Variants in IQCM observed in about 807,000 individuals in gnomAD.
The protein encoded by IQCM is IQ domain-containing protein M.
IQCM carries 45 observed loss-of-function variants against 57.6 expected under a neutral mutation model. The ratio of observed to expected loss-of-function variants is 0.78; its 90% CI spans 0.62 to 1.00. The LOEUF is 1.00. IQCM is among the 50% of genes least tolerant of loss of function. The pLI, the probability that IQCM is intolerant of heterozygous loss-of-function variation, is 0.00. For missense variants in IQCM, 468 were observed against 511.6 expected (o/e 0.91, Z 0.82); for synonymous variants, 148 against 158.9 (o/e 0.93, Z 0.51).
At chr4:149,358,650 T>C (rs1487628276) in intron 13 of IQCM, among the ~76,000 whole-genome samples, 7 of 152,182 alleles carry the variant, frequency 4.6e-5, no homozygotes, top group African/African-American at 7.2e-5. Context: ...CTGGATAATA[T>C]ATTAAATATA....
At chr4:149,666,887 C>G (rs1175601860) in intron 7 of IQCM, among the ~76,000 whole-genome samples, 1 of 152,112 alleles carries the variant, frequency 6.6e-6, no homozygotes, top group Non-Finnish European at 1.5e-5. Context: ...ATTCCTCCTC[C>G]CTGGGCAGGG....
intron 2 of IQCM, among the ~76,000 whole-genome samples, chr4:149,773,704 G>A (rs377080249): frequency 6.6e-6 from 1 of 152,226 alleles, no homozygotes; most frequent in South Asian, 2.1e-4. Context: ...TAGAGGTGGA[G>A]GGGGCAGAGA....
chr4:149,429,932 T>G (rs1273331375), intron 13 of IQCM: 2 of 1,110,232 alleles, frequency 1.8e-6, no homozygotes, highest in Non-Finnish European at 2.3e-6. Flanking sequence ...CACTTGCATA[T>G]TTCCTTTTAA....
intron 13 of IQCM, among the ~76,000 whole-genome samples, chr4:149,357,659 G>A (rs1039044115): frequency 3.9e-5 from 6 of 152,086 alleles, no homozygotes; most frequent in African/African-American, 1.2e-4. Flanking sequence ...GTATTTTATC[G>A]AGGATTTTTG....
intron 8 of IQCM, among the ~76,000 whole-genome samples, chr4:149,617,678 A>G (rs1755920902): frequency 6.6e-6 from 1 of 152,208 alleles, no homozygotes; most frequent in African/African-American, 2.4e-5. Flanking sequence ...TACAAAATCA[A>G]TGTACAAAAA....
At chr4:149,502,626 C>T (rs1743375629) in intron 12 of IQCM, among the ~76,000 whole-genome samples, 1 of 152,006 alleles carries the variant, frequency 6.6e-6, no homozygotes, top group Non-Finnish European at 1.5e-5. Context: ...GTGAGCCATG[C>T]TCACGCCACT....
At chr4:149,419,022 T>C (rs573947444) in intron 13 of IQCM, among the ~76,000 whole-genome samples, 1 of 152,134 alleles carries the variant, frequency 6.6e-6, no homozygotes, top group African/African-American at 2.4e-5. Flanking sequence ...CATTCCATGC[T>C]CATGGAAAGG....
At chr4:149,566,738 C>G (rs185722509) in intron 9 of IQCM, among the ~76,000 whole-genome samples, 1 of 152,090 alleles carries the variant, frequency 6.6e-6, no homozygotes, top group Non-Finnish European at 1.5e-5. Flanking sequence ...TATCTTAGGT[C>G]TGAAACAGAT....
intron 12 of IQCM, among the ~76,000 whole-genome samples, chr4:149,454,499 A>T (rs1737474867): frequency 6.6e-6 from 1 of 151,858 alleles, no homozygotes; most frequent in Non-Finnish European, 1.5e-5. Flanking sequence ...AGGATCAAAA[A>T]AATACCTATC....
At chr4:149,380,508 C>G (rs1388324800) in intron 13 of IQCM, among the ~76,000 whole-genome samples, 1 of 152,076 alleles carries the variant, frequency 6.6e-6, no homozygotes, top group East Asian at 1.9e-4. Context: ...ACTGGTGCTT[C>G]TAATCTCTCT....
At chr4:149,495,545 C>T (rs1054890538) in intron 12 of IQCM, among the ~76,000 whole-genome samples, 4 of 152,142 alleles carry the variant, frequency 2.6e-5, no homozygotes, top group African/African-American at 9.7e-5. Flanking sequence ...TGCACACATG[C>T]ACACATATAC....
chr4:149,531,967 T>C (rs1248712635), intron 12 of IQCM, among the ~76,000 whole-genome samples: 1 of 152,102 alleles, frequency 6.6e-6, no homozygotes, highest in African/African-American at 2.4e-5. Flanking sequence ...TGAAGGCTCA[T>C]TCTTGGCCAC....
At chr4:149,602,821 TC>T (rs1170522399) in intron 8 of IQCM, among the ~76,000 whole-genome samples, 4 of 152,172 alleles carry the variant, frequency 2.6e-5, no homozygotes, top group African/African-American at 9.6e-5. Flanking sequence ...TATCAGTTTG[TC>T]CTTTTTTATG....
At chr4:149,417,820 C>CTTTTTT (rs370591152) in intron 13 of IQCM, among the ~76,000 whole-genome samples, 1 of 134,806 alleles carries the variant, frequency 7.4e-6, no homozygotes, top group African/African-American at 2.7e-5. Context: ...TCCCTTTTTC[C>CTTTTTT]TTTTTTTTTT....
intron 12 of IQCM, among the ~76,000 whole-genome samples, chr4:149,487,611 C>T (rs1031258481): frequency 3.9e-5 from 6 of 152,138 alleles, no homozygotes; most frequent in Admixed American, 2.0e-4. Context: ...GTACTGACCA[C>T]TGGGATGGGC....
At chr4:149,774,661 C>G (rs983807460) in intron 2 of IQCM, among the ~76,000 whole-genome samples, 1 of 151,824 alleles carries the variant, frequency 6.6e-6, no homozygotes, top group Non-Finnish European at 1.5e-5. Flanking sequence ...CACTTGGGGA[C>G]GTCCTCTTCC....
At chr4:149,509,756 T>C (rs1240299094) in intron 12 of IQCM, among the ~76,000 whole-genome samples, 1 of 152,070 alleles carries the variant, frequency 6.6e-6, no homozygotes, top group Non-Finnish European at 1.5e-5. Flanking sequence ...GCAATTGTAT[T>C]TTATATATTT....
intron 10 of IQCM, 66 bp from the exon 11 acceptor site, chr4:149,553,353 C>T (rs1323216465): frequency 1.3e-5 from 15 of 1,173,568 alleles, no homozygotes; most frequent in South Asian, 4.4e-5. Context: ...TCGCCTCTTT[C>T]ATTTAGTCTA....
intron 8 of IQCM, among the ~76,000 whole-genome samples, chr4:149,610,201 T>C (rs897144687): frequency 4.6e-5 from 7 of 151,890 alleles, no homozygotes; most frequent in East Asian, 1.9e-4. Context: ...AGGAAAACTA[T>C]AAAACATTGA....
Sources: gnomAD v4.1 joint callset for allele counts (sites outside exome capture counted in the v4.1 genomes callset) on GRCh38, gnomAD v4.1.1 for gene constraint, MANE v1.5 for transcripts, NCBI Gene and HGNC (gene_info 2026-07-23, HGNC 2026-07-21) for gene names.